Variants in NEGR1 observed in about 807,000 individuals in gnomAD.
The protein encoded by NEGR1 is IgLON family member 4.
A neutral mutation model predicts 40.9 loss-of-function variants in NEGR1; 10 were observed. The ratio of observed to expected loss-of-function variants is 0.24; its 90% CI spans 0.15 to 0.42. The LOEUF is 0.42. Ranked by LOEUF, NEGR1 falls within the 10% of genes least tolerant of loss-of-function variation. The probability of loss-of-function intolerance (pLI) is 1.00; values close to 1 mark genes in which losing one functional copy is unlikely to be tolerated. For missense variants in NEGR1, 352 were observed against 438.9 expected (o/e 0.80, Z 1.77); for synonymous variants, 185 against 166.8 (o/e 1.11, Z -0.84).
chr1:71,921,493 GA>G (rs1190323133), intron 2 of NEGR1, among the ~76,000 whole-genome samples: 3 of 151,836 alleles, frequency 2.0e-5, no homozygotes, highest in Non-Finnish European at 4.4e-5. Context: ...TATTCAATGT[GA>G]AGATGAGCAT....
chr1:72,139,273 C>T (rs1284696648), intron 1 of NEGR1, among the ~76,000 whole-genome samples: 1 of 144,626 alleles, frequency 6.9e-6, no homozygotes, highest in South Asian at 2.2e-4. Context: ...AAAAAAGAAA[C>T]TCGAATTAAA....
chr1:71,824,089 T>G (rs1353702457), intron 2 of NEGR1, among the ~76,000 whole-genome samples: 3 of 151,912 alleles, frequency 2.0e-5, no homozygotes, highest in South Asian at 2.1e-4. Context: ...CTGAGAAAGG[T>G]GCCAAGTCAT....
At chr1:72,206,969 A>G (rs1653425920) in intron 1 of NEGR1, among the ~76,000 whole-genome samples, 1 of 151,796 alleles carries the variant, frequency 6.6e-6, no homozygotes, top group Non-Finnish European at 1.5e-5. Context: ...TTACATAAGA[A>G]GGGGTACTTT....
intron 2 of NEGR1, among the ~76,000 whole-genome samples, chr1:71,852,409 T>A (rs1437432544): frequency 6.6e-6 from 1 of 152,082 alleles, no homozygotes; most frequent in East Asian, 1.9e-4. Context: ...TCATCAAACA[T>A]TAAAAAACCC....
intron 1 of NEGR1, among the ~76,000 whole-genome samples, chr1:72,017,224 T>A (rs572982999): frequency 6.6e-6 from 1 of 152,114 alleles, no homozygotes; most frequent in East Asian, 1.9e-4. Flanking sequence ...AGGCAGACTG[T>A]GTCAGTTGAC....
intron 6 of NEGR1, among the ~76,000 whole-genome samples, chr1:71,474,213 G>C (rs1171577113): frequency 1.3e-5 from 2 of 151,654 alleles, no homozygotes; most frequent in Non-Finnish European, 2.9e-5. Context: ...AGAAACAATG[G>C]AGAACACAGA....
chr1:71,502,087 T>C (rs1425373863), intron 6 of NEGR1, among the ~76,000 whole-genome samples: 1 of 152,140 alleles, frequency 6.6e-6, no homozygotes, highest in African/African-American at 2.4e-5. Flanking sequence ...ACATTTTAAA[T>C]GGTCCATTTT....
rs1027807012 is a variant in NEGR1, at chr1:71,406,276, C to G, written c.*1170G>C. ...TAAAATATATAACATGCATTCCAGA[C>G]TATCAACTGAGTGATACTTTCAGAT... On this transcript the variant is annotated 3_prime_UTR_variant, in exon 7 of 7. Coordinates refer to ENST00000357731, the MANE Select transcript of NEGR1 (RefSeq NM_173808.3). 2 of 151,912 alleles carry G rather than the reference C, an allele frequency of 1.3e-5. No homozygotes were observed. Among genetic ancestry groups the G allele is most frequent in the Non-Finnish European group, 2.9e-5 (2 of 67,888 alleles). 9.4% of individuals were successfully genotyped at this position (151,912 alleles called of 1,614,324 possible).
At chr1:71,450,905 ACTT>A (rs1646622789) in intron 6 of NEGR1, among the ~76,000 whole-genome samples, 1 of 152,058 alleles carries the variant, frequency 6.6e-6, no homozygotes, top group African/African-American at 2.4e-5. Flanking sequence ...ATTAAATATT[ACTT>A]ACAGTGTGAA....
At chr1:71,765,563 C>A (rs555030598) in intron 3 of NEGR1, among the ~76,000 whole-genome samples, 17 of 152,084 alleles carry the variant, frequency 1.1e-4, no homozygotes, top group South Asian at 2.1e-4. Context: ...TACTTTTGCA[C>A]CAATCTAATA....
At chr1:71,914,118 C>T (rs1034874378) in intron 2 of NEGR1, among the ~76,000 whole-genome samples, 15 of 152,270 alleles carry the variant, frequency 9.9e-5, no homozygotes, top group East Asian at 3.9e-4. Flanking sequence ...GATTCTGAGA[C>T]GCCAATCCTG....
intron 3 of NEGR1, among the ~76,000 whole-genome samples, chr1:71,727,090 TAATCA>T (rs1654699580): frequency 1.3e-5 from 2 of 152,082 alleles, no homozygotes; most frequent in Admixed American, 1.3e-4. Context: ...CCCTTATCAA[TAATCA>T]ATAGCTCCAA....
rs1659943720 is a variant in NEGR1 at position 71,861,427 on chromosome 1, C to T, written c.409+73652G>A. ...GTTTTGGTCCCTTCCATGGGCAAGG[C>T]TAGGAGATATTGAAATGCCTATATG... On this transcript the variant is annotated intron_variant, in intron 2 of 6. Coordinates refer to ENST00000357731, the MANE Select transcript of NEGR1 (RefSeq NM_173808.3). 2.6e-5 allele frequency among the ~76,000 whole-genome samples: 4 copies of T among 151,990 alleles called. 1 individual carries two copies. In the South Asian group the frequency reaches 8.3e-4, roughly 31 times the overall value.
intron 2 of NEGR1, among the ~76,000 whole-genome samples, chr1:71,800,322 C>CT: frequency 6.6e-6 from 1 of 152,204 alleles, no homozygotes; most frequent in Non-Finnish European, 1.5e-5. Context: ...ATGATAGTTT[C>CT]TTTTGCTGTA....
intron 1 of NEGR1, among the ~76,000 whole-genome samples, chr1:72,188,375 A>G (rs1652691173): frequency 6.6e-6 from 1 of 151,482 alleles, no homozygotes; most frequent in Admixed American, 6.6e-5. Context: ...CTGTGTATTT[A>G]ATACTTTAGG....
At chr1:71,727,509 C>T (rs1203558369) in intron 3 of NEGR1, among the ~76,000 whole-genome samples, 2 of 152,090 alleles carry the variant, frequency 1.3e-5, no homozygotes. Flanking sequence ...AGAGAAGTAG[C>T]TATCACTCAA....
intron 1 of NEGR1, among the ~76,000 whole-genome samples, chr1:72,139,556 T>C (rs148229749): frequency 8.5e-5 from 13 of 152,196 alleles, no homozygotes; most frequent in African/African-American, 3.1e-4. Flanking sequence ...ATTAACTCTT[T>C]TAAAGAAACA....
At chr1:71,937,513 A>G (rs1645917091) in intron 1 of NEGR1, among the ~76,000 whole-genome samples, 1 of 152,144 alleles carries the variant, frequency 6.6e-6, no homozygotes, top group African/African-American at 2.4e-5. Flanking sequence ...CTTTCAGGGT[A>G]TAGATTGCAA....
At chr1:71,561,765 G>T (rs1368398439) in intron 6 of NEGR1, among the ~76,000 whole-genome samples, 1 of 151,714 alleles carries the variant, frequency 6.6e-6, no homozygotes, top group African/African-American at 2.4e-5. Context: ...TTGGGGTTGA[G>T]CAGATGGCTT....
Sources: allele counts gnomAD v4.1 joint callset (sites outside exome capture counted in the v4.1 genomes callset), GRCh38; gene constraint gnomAD v4.1.1; transcripts MANE v1.5; gene names NCBI Gene and HGNC (gene_info 2026-07-23, HGNC 2026-07-21).